Variants in CEACAM7 observed in about 807,000 individuals in gnomAD.
CEACAM7 encodes cell adhesion molecule CEACAM7.
In CEACAM7, 24 loss-of-function variants were observed where a neutral mutation model predicts 25.7. The ratio of observed to expected loss-of-function variants is 0.93; its 90% CI spans 0.68 to 1.31. The LOEUF is 1.31. Ranked by LOEUF, CEACAM7 falls within the 40% of genes most tolerant of loss-of-function variation. The pLI, the probability that CEACAM7 is intolerant of heterozygous loss-of-function variation, is 0.00. For synonymous variants in CEACAM7, 144 were observed against 129.4 expected (o/e 1.11, Z -0.77); for missense variants, 324 against 330.1 (o/e 0.98, Z 0.14).
At chr19:41,675,419 T>C (rs539270769) in intron 4 of CEACAM7, among the ~76,000 whole-genome samples, 53 of 152,316 alleles carry the variant, frequency 3.5e-4, no homozygotes, top group Non-Finnish European at 5.7e-4. Flanking sequence ...CAACTAAAAA[T>C]TCATAAAAAC....
At position 41,673,699 on chromosome 19, in the gene CEACAM7, A is replaced by G. The variant is rs2072086796; in HGVS notation, c.*1077T>C. ...CACCTAAATGAGAGTTTGACTAAACATAAGGCATTAACACTACTGTCAGTT... is the reference window on the plus strand; with the variant it reads ...CACCTAAATGAGAGTTTGACTAAACGTAAGGCATTAACACTACTGTCAGTT... On this transcript the variant is annotated 3_prime_UTR_variant, in exon 5 of 5. Coordinates refer to ENST00000401731, the MANE Select transcript of CEACAM7 (RefSeq NM_001291485.2). 6.6e-6 allele frequency: 1 copy of G among 152,228 alleles called. No individual in the cohort carries two copies. The highest frequency in any genetic ancestry group is 1.5e-5 in the Non-Finnish European group (1 of 68,044). 9.4% of individuals were successfully genotyped at this position (152,228 alleles called of 1,614,324 possible). A position where few individuals can be genotyped will look rare whatever the true frequency, so the allele number is the denominator to read the frequency against.
rs1555810972 is a variant in CEACAM7 at position 41,684,039 on chromosome 19, G to C, written c.452C>G (p.Thr151Ser). Residue 151 changes from threonine to serine, a missense_variant, in exon 3 of 5, where the codon ACC becomes AGC. Coordinates refer to ENST00000401731, the MANE Select transcript of CEACAM7 (RefSeq NM_001291485.2). ...CTCCACCGGATTGAAGTTGTTGCTG[G>C]TGATGGAGGGCTTGGGTGGCTCCGC... is the stretch of plus-strand genomic sequence containing the variant. ...VFSEPPKPSI[T>S]SNNFNPVENK... 6.2e-7 allele frequency: 1 copy of C among 1,614,142 alleles called. No homozygotes were observed. Among genetic ancestry groups the C allele is most frequent in the Admixed American group, 1.7e-5 (1 of 60,018 alleles).
rs1440749599 is a variant in CEACAM7 at position 41,674,216 on chromosome 19, C to T, written c.*560G>A. The T allele has an allele frequency of 6.6e-6, 1 of 152,218 alleles. No homozygotes were observed. The highest frequency in any genetic ancestry group is 1.5e-5 in the Non-Finnish European group (1 of 68,064). 9.4% of individuals were successfully genotyped at this position (152,218 alleles called of 1,614,324 possible). A position where few individuals can be genotyped will look rare whatever the true frequency, so the allele number is the denominator to read the frequency against. On this transcript the variant is annotated 3_prime_UTR_variant, in exon 5 of 5. Transcript: ENST00000401731. ...AGAACAGGTGAGTCTAGAGGTCTAACTCTAACAGGGACCACCGTGCATTTG... is the reference window on the plus strand; with the variant it reads ...AGAACAGGTGAGTCTAGAGGTCTAATTCTAACAGGGACCACCGTGCATTTG...
rs2072239071 is a variant in CEACAM7 at position 41,687,336 on chromosome 19, TG to T, written c.65-116del. ...CCACCCCCATCTTGAAGTAAGTGTGTGTGTGTGTGTGTGTGTCCTACTGGAT... is the reference window on the plus strand; with the variant it reads ...CCACCCCCATCTTGAAGTAAGTGTGTTGTGTGTGTGTGTGTCCTACTGGAT... On this transcript the variant is annotated intron_variant, in intron 1 of 4. Transcript: ENST00000401731. The T allele has an allele frequency of 5.9e-5, 47 of 799,324 alleles. 3 individuals are homozygous for T. The highest frequency in any genetic ancestry group is 9.5e-6 in the Non-Finnish European group (5 of 527,070). The allele number at this position is 799,324 out of a possible 1,614,324, so 49.5% of individuals were successfully genotyped here.
intron 4 of CEACAM7, among the ~76,000 whole-genome samples, chr19:41,676,789 A>G (rs1555810134): frequency 1.3e-5 from 2 of 152,212 alleles, no homozygotes; most frequent in African/African-American, 2.4e-5. Context: ...TAGATATAAC[A>G]TTGGAACTAA....
At chr19:41,675,496 G>C (rs2072105285) in intron 4 of CEACAM7, among the ~76,000 whole-genome samples, 1 of 152,158 alleles carries the variant, frequency 6.6e-6, no homozygotes, top group South Asian at 2.1e-4. Context: ...TTGATTGGCA[G>C]TTTCATGAAG....
At chr19:41,684,200 A>C (rs1199355975) in intron 2 of CEACAM7, 137 bp from the exon 3 acceptor site, 23 of 873,554 alleles carry the variant, frequency 2.6e-5, no homozygotes, top group Middle Eastern at 3.3e-4. Flanking sequence ...TGTGTGTATC[A>C]CAAGACAGAT....
intron 3 of CEACAM7, among the ~76,000 whole-genome samples, 197 bp from the exon 4 acceptor site, chr19:41,677,700 G>C (rs2072129926): frequency 6.6e-6 from 1 of 152,120 alleles, no homozygotes; most frequent in Admixed American, 6.5e-5. Context: ...CCAGGTTGAT[G>C]GTCAGTCTTC....
chr19:41,676,171 T>C (rs1401581269), intron 4 of CEACAM7, among the ~76,000 whole-genome samples: 1 of 152,194 alleles, frequency 6.6e-6, no homozygotes, highest in African/African-American at 2.4e-5. Context: ...TAGTAGCATG[T>C]GGGAAGGCTT....
At chr19:41,686,749 C>G (rs994574814) in intron 2 of CEACAM7, 110 bp downstream of exon 2, 10 of 1,259,182 alleles carry the variant, frequency 7.9e-6, no homozygotes, top group Non-Finnish European at 1.1e-5. Flanking sequence ...CAAACTCCAA[C>G]ACTGGATAAA....
chr19:41,674,223 A>G lies in CEACAM7; in HGVS notation c.*553T>C, dbSNP rs2072092141. On this transcript the variant is annotated 3_prime_UTR_variant, in exon 5 of 5. Transcript: ENST00000401731. ...GTGAGTCTAGAGGTCTAACTCTAAC[A>G]GGGACCACCGTGCATTTGAATAAAC... 1 of 152,244 alleles carries G rather than the reference A, an allele frequency of 6.6e-6. No homozygotes were observed. Among genetic ancestry groups the G allele is most frequent in the African/African-American group, 2.4e-5 (1 of 41,448 alleles). The allele number at this position is 152,244 out of a possible 1,614,324, so 9.4% of individuals were successfully genotyped here.
chr19:41,678,777 C>A (rs1294162367), intron 3 of CEACAM7, among the ~76,000 whole-genome samples: 2 of 152,318 alleles, frequency 1.3e-5, no homozygotes, highest in Admixed American at 6.5e-5. Context: ...TGGCATTTTG[C>A]TGAATGTTTC....
In CEACAM7 at chr19:41,674,569, AT is replaced by A; in HGVS notation, c.*206del. On this transcript the variant is annotated 3_prime_UTR_variant, in exon 5 of 5. Transcript: ENST00000401731. ...AGTGTCTCTAGTTATGGTGTTGAACATTTTGGTTAGCTCTGAGTGGCCCACA... is the reference window on the plus strand; with the variant it reads ...AGTGTCTCTAGTTATGGTGTTGAACATTTGGTTAGCTCTGAGTGGCCCACA... The A allele has an allele frequency of 3.9e-6, 1 of 257,118 alleles. No individual in the cohort carries two copies. The highest frequency in any genetic ancestry group is 7.7e-6 in the Non-Finnish European group (1 of 130,436). The allele number at this position is 257,118 out of a possible 1,614,324, so 15.9% of individuals were successfully genotyped here. A position where few individuals can be genotyped will look rare whatever the true frequency, so the allele number is the denominator to read the frequency against.
At chr19:41,683,697 T>C in intron 3 of CEACAM7, 88 bp downstream of exon 3, 5 of 1,549,210 alleles carry the variant, frequency 3.2e-6, no homozygotes, top group Non-Finnish European at 3.5e-6. Context: ...TCTGTGTACT[T>C]GGACCTGAGA....
At chr19:41,675,355 A>T (rs943736469) in intron 4 of CEACAM7, among the ~76,000 whole-genome samples, 3 of 152,248 alleles carry the variant, frequency 2.0e-5, no homozygotes, top group Non-Finnish European at 2.9e-5. Context: ...AGCTTAAAAG[A>T]AAAATATTCC....
intron 3 of CEACAM7, among the ~76,000 whole-genome samples, chr19:41,678,207 C>T (rs2072135748): frequency 6.6e-6 from 1 of 151,990 alleles, no homozygotes; most frequent in Non-Finnish European, 1.5e-5. Context: ...TGAAAACTAA[C>T]ATACTAGGCT....
At chr19:41,683,082 C>T (rs2122726896) in intron 3 of CEACAM7, among the ~76,000 whole-genome samples, 1 of 152,312 alleles carries the variant, frequency 6.6e-6, no homozygotes, top group Non-Finnish European at 1.5e-5. Flanking sequence ...TTCAGCTCTT[C>T]CTTAACACCA....
rs1555809796 is a variant in CEACAM7, at chr19:41,673,315, T to C, written c.*1461A>G. ...ATAACAAATTCAGTTATAGATACAA[T>C]TGGCTTTTATTTGTGATTCATGAGT... On this transcript the variant is annotated 3_prime_UTR_variant, in exon 5 of 5. Coordinates refer to ENST00000401731, the MANE Select transcript of CEACAM7 (RefSeq NM_001291485.2). The C allele has an allele frequency of 2.0e-5, 3 of 152,164 alleles. No individual in the cohort carries two copies. Among genetic ancestry groups the C allele is most frequent in the African/African-American group, 7.2e-5 (3 of 41,440 alleles). The allele number at this position is 152,164 out of a possible 1,614,324, so 9.4% of individuals were successfully genotyped here.
At chr19:41,681,575 C>T (rs1216685028) in intron 3 of CEACAM7, among the ~76,000 whole-genome samples, 3 of 152,098 alleles carry the variant, frequency 2.0e-5, no homozygotes, top group East Asian at 1.9e-4. Flanking sequence ...AATATATCCA[C>T]ACAATGGAAA....
Sources: allele counts gnomAD v4.1 joint callset (sites outside exome capture counted in the v4.1 genomes callset), GRCh38; gene constraint gnomAD v4.1.1; transcripts MANE v1.5; gene names NCBI Gene and HGNC (gene_info 2026-07-23, HGNC 2026-07-21).